MMRN2: variants seen among roughly 807,000 people sequenced by gnomAD.
MMRN2 encodes the protein multimerin-2.
A neutral mutation model predicts 68.8 loss-of-function variants in MMRN2; 53 were observed. The observed-to-expected ratio is 0.77, with a 90% CI of 0.62 to 0.97. MMRN2 has a LOEUF of 0.97. Ranked by LOEUF, MMRN2 falls within the 50% of genes least tolerant of loss-of-function variation. MMRN2 has a pLI of 0.00. For missense variants in MMRN2, 1,266 were observed against 1,259.5 expected (o/e 1.01, Z -0.08); for synonymous variants, 564 against 551.6 (o/e 1.02, Z -0.32).
intron 1 of MMRN2, among the ~76,000 whole-genome samples, chr10:86,952,304 G>A (rs890087134): frequency 3.3e-5 from 5 of 152,174 alleles, no homozygotes; most frequent in African/African-American, 4.8e-5. Flanking sequence ...CTGGGAAGGC[G>A]CTGGCCCCAG....
intron 6 of MMRN2, among the ~76,000 whole-genome samples, chr10:86,939,715 G>A (rs1354427110): frequency 2.0e-5 from 3 of 152,140 alleles, no homozygotes; most frequent in Non-Finnish European, 4.4e-5. Context: ...CTAAGATGCG[G>A]GAAGGGCTGT....
At chr10:86,954,459 G>C (rs1482863655) in intron 1 of MMRN2, among the ~76,000 whole-genome samples, 1 of 152,228 alleles carries the variant, frequency 6.6e-6, no homozygotes, top group Non-Finnish European at 1.5e-5. Context: ...GATCAGAGCT[G>C]GTGTGGGGGG....
At chr10:86,946,750 G>T (rs1285672069) in intron 1 of MMRN2, among the ~76,000 whole-genome samples, 3 of 152,194 alleles carry the variant, frequency 2.0e-5, no homozygotes, top group African/African-American at 7.2e-5. Flanking sequence ...GTACAGCTCA[G>T]CACCTCTTGG....
intron 4 of MMRN2, 47 bp downstream of exon 4, chr10:86,945,141 T>C: frequency 1.9e-6 from 3 of 1,551,012 alleles, no homozygotes; most frequent in Middle Eastern, 1.9e-4. Context: ...GCTGGCTACA[T>C]GGGCCCCACC....
At position 86,936,383 on chromosome 10, in the gene MMRN2, A is replaced by G. The variant is rs1202864496; in HGVS notation, c.*360T>C. On this transcript the variant is annotated 3_prime_UTR_variant, in exon 7 of 7. Coordinates refer to ENST00000372027, the MANE Select transcript of MMRN2 (RefSeq NM_024756.3). ...AGAAGAGGAAGCAAGAGAAAAGTTT[A>G]AAGTGTTGTACAGAAGTTTCCAACC... 1 of 441,756 alleles carries G rather than the reference A, an allele frequency of 2.3e-6. No homozygotes were observed. Among genetic ancestry groups the G allele is most frequent in the Non-Finnish European group, 4.0e-6 (1 of 251,652 alleles). 27.4% of individuals were successfully genotyped at this position (441,756 alleles called of 1,614,324 possible). A position where few individuals can be genotyped will look rare whatever the true frequency, so the allele number is the denominator to read the frequency against.
At chr10:86,950,355 A>G (rs1220388310) in intron 1 of MMRN2, among the ~76,000 whole-genome samples, 1 of 152,060 alleles carries the variant, frequency 6.6e-6, no homozygotes, top group Non-Finnish European at 1.5e-5. Context: ...TAATAATAAT[A>G]ATAAAAAGAA....
chr10:86,936,468 CCCAG>C lies in MMRN2; in HGVS notation c.*271_*274del. 1 of 545,530 alleles carries C rather than the reference CCCAG, an allele frequency of 1.8e-6. No individual in the cohort carries two copies. Among genetic ancestry groups the C allele is most frequent in the Non-Finnish European group, 3.2e-6 (1 of 308,942 alleles). 33.8% of individuals were successfully genotyped at this position (545,530 alleles called of 1,614,324 possible). A position where few individuals can be genotyped will look rare whatever the true frequency, so the allele number is the denominator to read the frequency against. On this transcript the variant is annotated 3_prime_UTR_variant, in exon 7 of 7. Transcript: ENST00000372027. ...TACAGGGTGTGGTGAAGAGTTGGAG[CCCAG>C]GCCGTGCTGTCTGAGAAGGCATGCC...
Position 86,957,518 on chromosome 10 carries a change from G to T in MMRN2, c.24C>A (p.Ser8Arg). Reference protein sequence around the residue: MILSLLFSLGGPLGWGLL... With the variant: MILSLLFRLGGPLGWGLL... ...GCCCCCAGCCCAGGGGGCCCCCAAG[G>T]CTGAACAGCAAGCTCAGGATCATCT... Residue 8 changes from serine (S) to arginine (R), a missense_variant, in exon 1 of 7, where the codon AGC (serine) becomes AGA (arginine). Ser to Arg is a moderately radical substitution (Grantham distance 110). Coordinates refer to ENST00000372027, the MANE Select transcript of MMRN2 (RefSeq NM_024756.3). 5 of 1,612,076 alleles carry T rather than the reference G, an allele frequency of 3.1e-6. No homozygotes were observed. The highest frequency in any genetic ancestry group is 4.2e-6 in the Non-Finnish European group (5 of 1,179,652).
intron 6 of MMRN2, among the ~76,000 whole-genome samples, chr10:86,942,097 T>C (rs1041326495): frequency 2.5e-4 from 38 of 152,166 alleles, no homozygotes; most frequent in Admixed American, 2.0e-4. Flanking sequence ...GCTCTGGCAC[T>C]AGCAGGTGGT....
chr10:86,944,055 G>A lies in MMRN2; in HGVS notation c.729C>T (p.Pro243=), dbSNP rs1434420649. Residue 243 remains proline, a synonymous_variant, in exon 6 of 7, where the codon CCC becomes CCT. Transcript: ENST00000372027. ...VDTFLQVHFS[P]IWRSFNQSLH... ...GGCTTTGGTTAAAGCTCCTCCAGAT[G>A]GGGCTGAAATGCACTTGTAGGAAGG... The A allele has an allele frequency of 1.2e-6, 2 of 1,614,138 alleles. No homozygotes were observed. Among genetic ancestry groups the A allele is most frequent in the Non-Finnish European group, 1.7e-6 (2 of 1,180,036 alleles).
intron 1 of MMRN2, among the ~76,000 whole-genome samples, chr10:86,955,922 A>C (rs767803035): frequency 2.0e-5 from 3 of 152,132 alleles, no homozygotes; most frequent in Non-Finnish European, 4.4e-5. Context: ...GCTGCCCATC[A>C]GCAGTTCCCA....
rs1004290020 is a variant in MMRN2, at chr10:86,943,552, T to G, written c.1232A>C (p.Glu411Ala). 1.3e-5 allele frequency: 21 copies of G among 1,614,088 alleles called. No homozygotes were observed. Among genetic ancestry groups the G allele is most frequent in the Non-Finnish European group, 1.5e-5 (18 of 1,180,042 alleles). The change falls in exon 6 of 7, where the codon GAG (glutamate) becomes GCG (alanine). Residue 411 changes from glutamate (E) to alanine (A), a missense_variant. Coordinates refer to ENST00000372027, the MANE Select transcript of MMRN2 (RefSeq NM_024756.3). The surrounding 1 kb of genome is among the most constrained non-coding windows in gnomAD (Gnocchi z 4.2). ...CGATTCGGAGTACAGTTCCTTGATC[T>G]CATCCACGTGCCGGGTCAGGGTGGC... ...MRATLTRHVD[E>A]IKELYSESDE...
chr10:86,937,057 T>C lies in MMRN2; in HGVS notation c.2536A>G (p.Thr846Ala). 1.2e-6 allele frequency: 2 copies of C among 1,614,184 alleles called. No individual in the cohort carries two copies. The highest frequency in any genetic ancestry group is 1.7e-6 in the Non-Finnish European group (2 of 1,180,034). ...CTGCTGCCAATGTTGATGTATGTGG[T>C]GTTGAACTTCACTGTCTGCAGGGCA... ...TAALQTVKFNTTYINIGSSYF... is the reference protein window; with the variant it reads ...TAALQTVKFNATYINIGSSYF... Residue 846 changes from threonine (T) to alanine (A), a missense_variant, in exon 7 of 7, where the codon ACC becomes GCC. Transcript: ENST00000372027.
chr10:86,936,556 CTCA>C lies in MMRN2; in HGVS notation c.*184_*186del. 1.5e-6 allele frequency: 1 copy of C among 678,052 alleles called. No individual in the cohort carries two copies. Among genetic ancestry groups the C allele is most frequent in the Non-Finnish European group, 2.5e-6 (1 of 401,712 alleles). The allele number at this position is 678,052 out of a possible 1,614,324, so 42.0% of individuals were successfully genotyped here. ...TGCCCGGAGAAGCATTCCAGTCCTT[CTCA>C]TCATGGAGAAATGGCCAAGCCCCAT... On this transcript the variant is annotated 3_prime_UTR_variant, in exon 7 of 7. Coordinates refer to ENST00000372027, the MANE Select transcript of MMRN2 (RefSeq NM_024756.3).
Position 86,943,451 on chromosome 10 carries a change from C to T in MMRN2, c.1333G>A (p.Glu445Lys). The T allele has an allele frequency of 1.9e-6, 3 of 1,614,190 alleles. No homozygotes were observed. The highest frequency in any genetic ancestry group is 2.7e-5 in the African/African-American group (2 of 75,068). ...TTCTCCATCAGGATCACGCGCAGCT[C>T]ACGGAGCGCCGTGTGGTTCACCTGC... The part of the protein sequence containing the change: ...ELQVNHTALR[E>K]LRVILMEKSL... Residue 445 changes from glutamate (E) to lysine (K), a missense_variant, in exon 6 of 7, where the codon GAG (glutamate) becomes AAG (lysine). By Grantham distance (56) the Glu-to-Lys change is moderately conservative. Coordinates refer to ENST00000372027, the MANE Select transcript of MMRN2 (RefSeq NM_024756.3). This position sits in a 1 kb window ranked among gnomAD's most constrained non-coding sequence, Gnocchi z 4.2.
chr10:86,936,601 C>T lies in MMRN2; in HGVS notation c.*142G>A. The T allele has an allele frequency of 9.9e-7, 1 of 1,015,094 alleles. No homozygotes were observed. Among genetic ancestry groups the T allele is most frequent in the East Asian group, 2.4e-5 (1 of 41,788 alleles). 62.9% of individuals were successfully genotyped at this position (1,015,094 alleles called of 1,614,324 possible). On this transcript the variant is annotated 3_prime_UTR_variant, in exon 7 of 7. Coordinates refer to ENST00000372027, the MANE Select transcript of MMRN2 (RefSeq NM_024756.3). Reference sequence around the variant, plus strand: ...AAGCCCCATGTGGTTACAGGGAAGCCACGTACACCACACCATCTTTGCAGA... The same window carrying T: ...AAGCCCCATGTGGTTACAGGGAAGCTACGTACACCACACCATCTTTGCAGA...
rs1219858096 is a variant in MMRN2, at chr10:86,942,681, G to A, written c.2103C>T (p.Leu701=). ...TTALAGLARE[L]QSLSNDVKNV... ...TCTTGACGTCGTTGCTCAGGCTCTG[G>A]AGCTCCCGCGCCAGCCCGGCCAGGG... Residue 701 remains leucine (L), a synonymous_variant, in exon 6 of 7, where the codon CTC becomes CTT. Transcript: ENST00000372027. 6.3e-7 allele frequency: 1 copy of A among 1,582,876 alleles called. No homozygotes were observed. Among genetic ancestry groups the A allele is most frequent in the East Asian group, 2.3e-5 (1 of 44,196 alleles).
intron 1 of MMRN2, among the ~76,000 whole-genome samples, chr10:86,956,169 C>T (rs1844225065): frequency 6.6e-6 from 1 of 151,470 alleles, no homozygotes; most frequent in Non-Finnish European, 1.5e-5. Context: ...TGCCGCCCCA[C>T]CACCGAGAAT....
In MMRN2 at chr10:86,944,000, G is replaced by T. The variant is rs1189921736; in HGVS notation, c.784C>A (p.Leu262Met). Residue 262 changes from leucine (L) to methionine (M), a missense_variant, in exon 6 of 7, where the codon CTG becomes ATG. By Grantham distance (15) the Leu-to-Met change is conservative (BLOSUM62 2). Coordinates refer to ENST00000372027, the MANE Select transcript of MMRN2 (RefSeq NM_024756.3). This position sits in a 1 kb window ranked among gnomAD's most constrained non-coding sequence, Gnocchi z 4.2. Reference protein sequence around the residue: ...LHSLTQAIRNLSLDVEANRQA... With the variant: ...LHSLTQAIRNMSLDVEANRQA... ...CGGTTGGCCTCCACGTCAAGAGACA[G>T]GTTTCTTATGGCCTGGGTAAGGCTG... 1.2e-6 allele frequency: 2 copies of T among 1,614,142 alleles called. No individual in the cohort carries two copies. The highest frequency in any genetic ancestry group is 8.5e-7 in the Non-Finnish European group (1 of 1,180,038).
Sources: allele counts gnomAD v4.1 joint callset (sites outside exome capture counted in the v4.1 genomes callset), GRCh38; gene constraint gnomAD v4.1.1; non-coding constraint Gnocchi (gnomAD v3.1); transcripts MANE v1.5; gene names NCBI Gene and HGNC (gene_info 2026-07-23, HGNC 2026-07-21).